LPIN2: variants seen among roughly 807,000 people sequenced by gnomAD.
The protein encoded by LPIN2 is lipin 2, also known as phosphatidate phosphatase LPIN2.
A neutral mutation model predicts 111.4 loss-of-function variants in LPIN2; 55 were observed. That is an observed-to-expected ratio of 0.49 (90% confidence interval 0.40 to 0.62). The LOEUF is 0.62. LPIN2 is among the 20% of genes least tolerant of loss of function. The pLI, the probability that LPIN2 is intolerant of heterozygous loss-of-function variation, is 0.00. For missense variants in LPIN2, 992 were observed against 1,112.1 expected, an observed-to-expected ratio of 0.89 and a Z score of 1.54; for synonymous variants, 425 against 414.0, an observed-to-expected ratio of 1.03 and a Z score of -0.32.
At chr18:2,984,851 G>C (rs897930678) in intron 1 of LPIN2, among the ~76,000 whole-genome samples, 1 of 152,042 alleles carries the variant, frequency 6.6e-6, no homozygotes, top group African/African-American at 2.4e-5. Flanking sequence ...GCCAAGCAGA[G>C]ACCAAGAAAG....
At chr18:2,978,763 C>G (rs1337795978) in intron 1 of LPIN2, among the ~76,000 whole-genome samples, 3 of 152,228 alleles carry the variant, frequency 2.0e-5, no homozygotes, top group African/African-American at 7.2e-5. Flanking sequence ...GAAAGCTCCA[C>G]AGGGATTCAC....
intron 1 of LPIN2, among the ~76,000 whole-genome samples, chr18:2,984,110 A>G (rs543572304): frequency 5.7e-4 from 87 of 152,258 alleles, no homozygotes; most frequent in Non-Finnish European, 1.2e-3. Context: ...ATGTTTGACC[A>G]AGTAATAGGT....
chr18:2,935,622 AC>A (rs2077275211), intron 7 of LPIN2, among the ~76,000 whole-genome samples: 1 of 152,260 alleles, frequency 6.6e-6, no homozygotes, highest in Non-Finnish European at 1.5e-5. Context: ...TATTCTTGGT[AC>A]AATTAGGGAA....
At chr18:2,970,895 T>A (rs2077896435) in intron 1 of LPIN2, among the ~76,000 whole-genome samples, 1 of 152,188 alleles carries the variant, frequency 6.6e-6, no homozygotes, top group South Asian at 2.1e-4. Context: ...CTCACTGAGT[T>A]CACTTCACTA....
chr18:2,947,438 G>A (rs1321685140), intron 4 of LPIN2, among the ~76,000 whole-genome samples: 3 of 152,284 alleles, frequency 2.0e-5, no homozygotes, highest in African/African-American at 7.2e-5. Flanking sequence ...CCCATCTTTA[G>A]GAAGGGAGGG....
chr18:2,998,440 T>G (rs1046772855), intron 1 of LPIN2, among the ~76,000 whole-genome samples: 1 of 152,330 alleles, frequency 6.6e-6, no homozygotes, highest in African/African-American at 2.4e-5. Flanking sequence ...GCAGTGTCTA[T>G]TCTATTCTGA....
At chr18:2,958,141 C>CAAAAAAAAAAAAAAACAAAAAAAAAAA (rs2077642694) in intron 2 of LPIN2, among the ~76,000 whole-genome samples, 1 of 11,954 alleles carries the variant, frequency 8.4e-5, no homozygotes, top group African/African-American at 1.9e-4. Context: ...GACTCCATCT[C>CAAAAAAAAAAAAAAACAAAAAAAAAAA]AAAAAAAAAA....
rs919758500 is a variant in LPIN2, at chr18:2,929,310, G to A, written c.1457-152C>T. On this transcript the variant is annotated intron_variant, in intron 9 of 19. Coordinates refer to ENST00000677752, the MANE Select transcript of LPIN2 (RefSeq NM_001375808.2). ...ATTCATCAAAAGCAAAATGTCAGAC[G>A]CTTTTTTTCCCCAGGACAAGAAAGA... 5.8e-5 allele frequency: 36 copies of A among 620,906 alleles called. No individual in the cohort carries two copies. The East Asian group carries it at 7.1e-4, about 12-fold the overall frequency. 38.5% of individuals were successfully genotyped at this position (620,906 alleles called of 1,614,324 possible).
intron 1 of LPIN2, among the ~76,000 whole-genome samples, chr18:2,995,502 C>A (rs899399897): frequency 2.0e-5 from 3 of 152,200 alleles, no homozygotes; most frequent in African/African-American, 7.2e-5. Flanking sequence ...AAATCAATCA[C>A]CTCTGAAGGC....
At chr18:2,993,725 C>T (rs1342277174) in intron 1 of LPIN2, among the ~76,000 whole-genome samples, 1 of 152,204 alleles carries the variant, frequency 6.6e-6, no homozygotes, top group Non-Finnish European at 1.5e-5. Flanking sequence ...ACACAAATTC[C>T]TAATCTTAGC....
In LPIN2 at chr18:2,944,492, C is replaced by T. The variant is rs143173271; in HGVS notation, c.591-3780G>A. ...TCAGCCTCCTGAGTAGCTGGGACTACAGGCACCCACCACTACGCCCAGCTA... is the reference window on the plus strand; with the variant it reads ...TCAGCCTCCTGAGTAGCTGGGACTATAGGCACCCACCACTACGCCCAGCTA... On this transcript the variant is annotated intron_variant, in intron 4 of 19. Transcript: ENST00000677752. 4.0e-3 allele frequency among the ~76,000 whole-genome samples: 605 copies of T among 151,896 alleles called. 7 individuals are homozygous for T. Among genetic ancestry groups the T allele is most frequent in the African/African-American group, 0.014 (570 of 41,458 alleles).
chr18:2,992,787 T>C (rs185112438), intron 1 of LPIN2, among the ~76,000 whole-genome samples: 2 of 151,960 alleles, frequency 1.3e-5, no homozygotes, highest in East Asian at 3.9e-4. Flanking sequence ...ATGGAGACCG[T>C]CCTGGCTAAC....
chr18:2,921,122 G>A (rs1337124841), intron 18 of LPIN2: 3 of 583,660 alleles, frequency 5.1e-6, no homozygotes, highest in Non-Finnish European at 9.1e-6. Context: ...CGCAGAAGAG[G>A]CCAGAGAGGC....
intron 14 of LPIN2, among the ~76,000 whole-genome samples, 188 bp from the exon 15 acceptor site, chr18:2,924,734 T>C (rs1275385871): frequency 2.6e-5 from 4 of 152,164 alleles, no homozygotes; most frequent in Non-Finnish European, 5.9e-5. Flanking sequence ...CTGAACAGTA[T>C]TTTGGGGTTC....
Position 2,920,392 on chromosome 18 carries a change from GA to G in LPIN2, c.2591del (p.Leu864ProfsTer135). ...GAAAAGCGGAATTCTGCTCCTTACT[GA>G]GAAGGGGGAACACATGCTCCACGAG... ...SELVEHVFPL[L>X]SKEQNSAFPC... is the part of the protein sequence containing the mutation. On this transcript the variant is annotated frameshift_variant, in exon 20 of 20. Coordinates refer to ENST00000677752, the MANE Select transcript of LPIN2 (RefSeq NM_001375808.2). LOFTEE classifies it high-confidence loss of function. The G allele has an allele frequency of 6.2e-7, 1 of 1,614,002 alleles. No homozygotes were observed. Among genetic ancestry groups the G allele is most frequent in the Non-Finnish European group, 8.5e-7 (1 of 1,180,036 alleles).
chr18:2,939,462 G>GCA lies in LPIN2; in HGVS notation c.822+16_822+17dup, dbSNP rs1568540318. Reference sequence around the variant, plus strand: ...TTAATCATTAACACACTTTCCACAGGCAAGTAAACCCTAGTACCTTGGTGG... The same window carrying GCA: ...TTAATCATTAACACACTTTCCACAGGCACAAGTAAACCCTAGTACCTTGGTGG... On this transcript the variant is annotated intron_variant, in intron 6 of 19. Transcript: ENST00000677752. 6.2e-7 allele frequency: 1 copy of GCA among 1,612,842 alleles called. No homozygotes were observed. Among genetic ancestry groups the GCA allele is most frequent in the African/African-American group, 1.3e-5 (1 of 74,868 alleles).
rs1403903408 is a variant in LPIN2, at chr18:2,929,648, A to G, written c.1457-490T>C. On this transcript the variant is annotated intron_variant, in intron 9 of 19. Coordinates refer to ENST00000677752, the MANE Select transcript of LPIN2 (RefSeq NM_001375808.2). ...GGGCCAGGCACAGTGGCTCACACCT[A>G]TAATTCCAACACTCTGGGAGGCCGA... 3.3e-5 allele frequency among the ~76,000 whole-genome samples: 5 copies of G among 152,192 alleles called. No homozygotes were observed. The East Asian group carries it at 5.8e-4, about 18-fold the overall frequency.
intron 2 of LPIN2, among the ~76,000 whole-genome samples, chr18:2,959,178 C>A (rs1299892926): frequency 6.6e-6 from 1 of 152,164 alleles, no homozygotes; most frequent in East Asian, 1.9e-4. Flanking sequence ...TAAAGGGTGA[C>A]TCTGAACAGA....
chr18:2,987,926 C>T, intron 1 of LPIN2, among the ~76,000 whole-genome samples: 1 of 147,234 alleles, frequency 6.8e-6, no homozygotes. Context: ...GTAATCCCAG[C>T]TACTCAGGAG....
Sources: gnomAD v4.1 joint callset for allele counts (sites outside exome capture counted in the v4.1 genomes callset) on GRCh38, gnomAD v4.1.1 for gene constraint, MANE v1.5 for transcripts, NCBI Gene and HGNC (gene_info 2026-07-23, HGNC 2026-07-21) for gene names.